The following EXOC4 variants were observed in gnomAD, a reference collection of about 807,000 sequenced individuals.
EXOC4 encodes the protein exocyst complex component 4, also known as SEC8-like 1.
Under a neutral mutation model 107.2 loss-of-function variants are expected in EXOC4, and 71 were observed. That is an observed-to-expected ratio of 0.66 (90% CI 0.55 to 0.81). EXOC4 has a LOEUF of 0.81. EXOC4 is among the 30% of genes least tolerant of loss of function. The probability of loss-of-function intolerance (pLI) is 0.00; values close to 1 mark genes in which losing one functional copy is unlikely to be tolerated. For missense variants in EXOC4, 1,108 were observed against 1,189.6 expected, an observed-to-expected ratio of 0.93 and a Z score of 1.01; for synonymous variants, 456 against 441.2, an observed-to-expected ratio of 1.03 and a Z score of -0.42.
intron 14 of EXOC4, among the ~76,000 whole-genome samples, chr7:133,961,422 G>A (rs1277493034): frequency 6.6e-6 from 1 of 150,948 alleles, no homozygotes; most frequent in African/African-American, 2.4e-5. Context: ...GAGAAGCTGG[G>A]ACTACAGGCG....
chr7:133,608,546 CTTTTTTTT>C (rs1161155238), intron 9 of EXOC4, among the ~76,000 whole-genome samples: 107 of 85,022 alleles, frequency 1.3e-3, no homozygotes, highest in African/African-American at 4.6e-3. Context: ...TGCTGTATTT[CTTTTTTTT>C]TTTTTTTTTT....
intron 14 of EXOC4, among the ~76,000 whole-genome samples, chr7:133,953,422 A>G (rs1031053213): frequency 5.9e-5 from 9 of 151,456 alleles, no homozygotes; most frequent in Admixed American, 3.9e-4. Context: ...ACACAGGGAG[A>G]CCTCATCTCT....
chr7:134,064,678 C>A lies in EXOC4; in HGVS notation c.*150C>A. On this transcript the variant is annotated 3_prime_UTR_variant, in exon 18 of 18. Transcript: ENST00000253861. Reference sequence around the variant, plus strand: ...AAGGATTCTTTCTCTCTGGTTTTGGCTTTTCATATAAATGCTAAAGGAAGG... The same window carrying A: ...AAGGATTCTTTCTCTCTGGTTTTGGATTTTCATATAAATGCTAAAGGAAGG... 1 of 533,268 alleles carries A rather than the reference C, an allele frequency of 1.9e-6. No individual in the cohort carries two copies. The highest frequency in any genetic ancestry group is 3.2e-6 in the Non-Finnish European group (1 of 316,938). 33.0% of individuals were successfully genotyped at this position (533,268 alleles called of 1,614,324 possible).
At chr7:133,641,941 T>C (rs1802866283) in intron 10 of EXOC4, among the ~76,000 whole-genome samples, 1 of 152,214 alleles carries the variant, frequency 6.6e-6, no homozygotes, top group Non-Finnish European at 1.5e-5. Context: ...TACGAGGATT[T>C]CACTGAAGAT....
intron 7 of EXOC4, among the ~76,000 whole-genome samples, chr7:133,416,386 TTC>T (rs1207214800): frequency 6.6e-6 from 1 of 152,202 alleles, no homozygotes; most frequent in Non-Finnish European, 1.5e-5. Context: ...TATTCATACT[TTC>T]TCTCTTTCCT....
intron 10 of EXOC4, among the ~76,000 whole-genome samples, chr7:133,647,156 G>C (rs760606099): frequency 2.6e-5 from 4 of 152,114 alleles, no homozygotes; most frequent in Non-Finnish European, 5.9e-5. Flanking sequence ...CTTGTCCCTA[G>C]AAATAGTAAT....
intron 9 of EXOC4, among the ~76,000 whole-genome samples, chr7:133,495,927 A>G (rs568548775): frequency 1.3e-5 from 2 of 152,318 alleles, no homozygotes; most frequent in South Asian, 4.1e-4. Context: ...TGACAATATC[A>G]GTTGCTTTAC....
chr7:133,300,983 A>G (rs919488244), intron 3 of EXOC4, among the ~76,000 whole-genome samples: 3 of 152,332 alleles, frequency 2.0e-5, no homozygotes, highest in Non-Finnish European at 4.4e-5. Flanking sequence ...CAATGTAGAA[A>G]TAGTTGGTGA....
chr7:133,326,271 G>A (rs555050423), intron 5 of EXOC4, among the ~76,000 whole-genome samples: 3 of 152,226 alleles, frequency 2.0e-5, no homozygotes, highest in African/African-American at 7.2e-5. Context: ...TTCCTTTGGA[G>A]GGGGAGAGGC....
intron 7 of EXOC4, among the ~76,000 whole-genome samples, chr7:133,417,050 T>G (rs142925842): frequency 6.6e-6 from 1 of 152,316 alleles, no homozygotes; most frequent in African/African-American, 2.4e-5. Flanking sequence ...GAGGTCTATA[T>G]GATTATGTGA....
chr7:133,883,504 A>G (rs982594843), intron 11 of EXOC4, among the ~76,000 whole-genome samples: 14 of 150,934 alleles, frequency 9.3e-5, no homozygotes, highest in African/African-American at 2.9e-4. Flanking sequence ...ATAGCCTGGT[A>G]TGGTGGCCTC....
chr7:133,897,678 C>T (rs1398720729), intron 12 of EXOC4, among the ~76,000 whole-genome samples: 1 of 151,720 alleles, frequency 6.6e-6, no homozygotes, highest in East Asian at 1.9e-4. Context: ...GTATCAAATC[C>T]CTATGGCATT....
intron 11 of EXOC4, 129 bp downstream of exon 11, chr7:133,817,673 A>G (rs1797406130): frequency 3.4e-5 from 22 of 654,154 alleles, no homozygotes; most frequent in Non-Finnish European, 5.2e-5. Flanking sequence ...AAGAAAATAA[A>G]TAGGCACTAG....
chr7:133,574,481 G>C (rs1479774367), intron 9 of EXOC4, among the ~76,000 whole-genome samples: 1 of 152,084 alleles, frequency 6.6e-6, no homozygotes, highest in Non-Finnish European at 1.5e-5. Flanking sequence ...TTTGTTACTT[G>C]CCCTGATTTT....
intron 10 of EXOC4, among the ~76,000 whole-genome samples, chr7:133,656,609 A>C (rs1434092261): frequency 3.3e-5 from 5 of 152,184 alleles, no homozygotes; most frequent in Non-Finnish European, 7.3e-5. Context: ...AATTGTGAAG[A>C]CTTCAGTGAA....
chr7:133,398,793 C>T (rs146005996), intron 7 of EXOC4, among the ~76,000 whole-genome samples: 11 of 152,308 alleles, frequency 7.2e-5, no homozygotes, highest in Admixed American at 1.3e-4. Context: ...AACTTAGTGA[C>T]TTGACTTCCA....
chr7:133,253,444 G>T, intron 1 of EXOC4: 1 of 1,220,544 alleles, frequency 8.2e-7, no homozygotes, highest in Non-Finnish European at 1.0e-6. Flanking sequence ...TACAGTCTCG[G>T]GACCCCAAAG....
At position 133,882,233 on chromosome 7, in the gene EXOC4, C is replaced by T. The variant is rs149485491; in HGVS notation, c.1735-13366C>T. On this transcript the variant is annotated intron_variant, in intron 11 of 17. Transcript: ENST00000253861. ...AGTATCTCATTGTATGAATATGTCA[C>T]AGTTTTATTTATCTGCTCTACTGTT... Among the ~76,000 whole-genome samples the T allele has an allele frequency of 8.5e-5, 13 of 152,300 alleles. No individual in the cohort carries two copies. In the East Asian group the frequency reaches 2.5e-3, roughly 29 times the overall value.
At chr7:133,322,172 G>A (rs888725845) in intron 5 of EXOC4, among the ~76,000 whole-genome samples, 3 of 152,026 alleles carry the variant, frequency 2.0e-5, no homozygotes, top group Admixed American at 6.6e-5. Context: ...TGTAGGTTGC[G>A]TGTTCACTCT....
Sources: allele counts gnomAD v4.1 joint callset (sites outside exome capture counted in the v4.1 genomes callset), GRCh38; gene constraint gnomAD v4.1.1; transcripts MANE v1.5; gene names NCBI Gene and HGNC (gene_info 2026-07-23, HGNC 2026-07-21).